Variants in EXOC2 observed in about 807,000 individuals in gnomAD.
The protein encoded by EXOC2 is SEC5-like 1.
Under a neutral mutation model 131.8 loss-of-function variants are expected in EXOC2, and 70 were observed. The observed-to-expected ratio is 0.53, with a 90% CI of 0.44 to 0.65. The LOEUF is 0.65. Ranked by LOEUF, EXOC2 falls within the 30% of genes least tolerant of loss-of-function variation. The pLI is 0.00. For missense variants in EXOC2, 923 were observed against 1,108.6 expected, an observed-to-expected ratio of 0.83 and a Z score of 2.38; for synonymous variants, 411 against 398.4, an observed-to-expected ratio of 1.03 and a Z score of -0.38.
At chr6:553,433 G>A (rs1224609041) in intron 21 of EXOC2, among the ~76,000 whole-genome samples, 1 of 151,614 alleles carries the variant, frequency 6.6e-6, no homozygotes, top group Non-Finnish European at 1.5e-5. Context: ...TTGAGGCTGT[G>A]CTCAAATAAA....
chr6:518,401 G>A (rs1765278308), intron 23 of EXOC2, among the ~76,000 whole-genome samples: 1 of 152,200 alleles, frequency 6.6e-6, no homozygotes, highest in African/African-American at 2.4e-5. Flanking sequence ...GTTTTTAAAT[G>A]ACTTGGACTG....
intron 7 of EXOC2, among the ~76,000 whole-genome samples, chr6:603,322 A>C (rs565144748): frequency 6.6e-6 from 1 of 152,358 alleles, no homozygotes; most frequent in African/African-American, 2.4e-5. Context: ...CCTCAATTTC[A>C]ACAGGCTAGA....
In EXOC2 at chr6:619,444, A is replaced by G. The variant is rs1761172747; in HGVS notation, c.522T>C (p.Asn174=). ...TATCCACTAACCTGGTGTTTGAGTG[A>G]TTCTCTATAAGATACCAGGCTGCTG... ...NFSAAWYLIE[N]HSNTSFEQLK... Residue 174 remains asparagine (N), a synonymous_variant, in exon 5 of 28, where the codon AAT becomes AAC. Transcript: ENST00000230449. The G allele has an allele frequency of 7.4e-6, 12 of 1,613,578 alleles. No homozygotes were observed. In the South Asian group the frequency reaches 1.2e-4, roughly 16 times the overall value.
intron 7 of EXOC2, among the ~76,000 whole-genome samples, chr6:600,165 C>G (rs1245697631): frequency 6.6e-6 from 1 of 152,122 alleles, no homozygotes; most frequent in African/African-American, 2.4e-5. Flanking sequence ...GTGGCCTGAT[C>G]CTGTTAAAAG....
intron 1 of EXOC2, among the ~76,000 whole-genome samples, chr6:660,554 A>G (rs1454408574): frequency 6.6e-6 from 1 of 152,248 alleles, no homozygotes; most frequent in African/African-American, 2.4e-5. Context: ...GAGAGACAAC[A>G]ATCTTGCAGT....
chr6:594,377 T>A (rs1485170988), intron 10 of EXOC2, among the ~76,000 whole-genome samples: 1 of 152,222 alleles, frequency 6.6e-6, no homozygotes, highest in Non-Finnish European at 1.5e-5. Context: ...GATGATGCAT[T>A]TCAGCGTTCT....
chr6:644,244 C>T (rs1031617538), intron 1 of EXOC2, among the ~76,000 whole-genome samples: 2 of 151,912 alleles, frequency 1.3e-5, no homozygotes, highest in African/African-American at 2.4e-5. Context: ...AAGGAAAAAC[C>T]GTATGTTACC....
intron 22 of EXOC2, among the ~76,000 whole-genome samples, chr6:541,668 C>T (rs6904638): frequency 0.21 from 31,562 of 151,944 alleles, 3,344 homozygotes; most frequent in Middle Eastern, 0.26. Context: ...CAATTTTACG[C>T]CAACAGATTT....
At chr6:627,623 C>A (rs563454643) in intron 4 of EXOC2, among the ~76,000 whole-genome samples, 1 of 152,194 alleles carries the variant, frequency 6.6e-6, no homozygotes, top group Non-Finnish European at 1.5e-5. Flanking sequence ...CTGGCTCCTC[C>A]GAGACGGAGT....
intron 11 of EXOC2, among the ~76,000 whole-genome samples, chr6:588,922 A>G (rs1759368647): frequency 6.6e-6 from 1 of 152,218 alleles, no homozygotes; most frequent in African/African-American, 2.4e-5. Context: ...AGAAAGATTC[A>G]GACCTTTGGT....
intron 17 of EXOC2, among the ~76,000 whole-genome samples, chr6:561,126 C>T (rs1757678851): frequency 6.6e-6 from 1 of 152,188 alleles, no homozygotes; most frequent in Non-Finnish European, 1.5e-5. Context: ...AAAAGCATTG[C>T]TTTTCTAAAT....
chr6:677,378 G>GT (rs1764194959), intron 1 of EXOC2, among the ~76,000 whole-genome samples: 1 of 152,178 alleles, frequency 6.6e-6, no homozygotes, highest in Admixed American at 6.5e-5. Flanking sequence ...GGTATATGTA[G>GT]GAATAAACAT....
chr6:653,519 T>C (rs1026239866), intron 1 of EXOC2, among the ~76,000 whole-genome samples: 2 of 152,156 alleles, frequency 1.3e-5, no homozygotes, highest in African/African-American at 4.8e-5. Flanking sequence ...CCTAACCCAG[T>C]GTAAAGCCCT....
intron 1 of EXOC2, among the ~76,000 whole-genome samples, chr6:662,742 G>C (rs975871180): frequency 6.6e-6 from 1 of 152,016 alleles, no homozygotes; most frequent in African/African-American, 2.4e-5. Context: ...CACACCTCAA[G>C]GAACTAGAGA....
intron 11 of EXOC2, among the ~76,000 whole-genome samples, chr6:591,745 C>T (rs1026993295): frequency 6.6e-6 from 1 of 152,182 alleles, no homozygotes; most frequent in African/African-American, 2.4e-5. Context: ...ACAGTGTCTG[C>T]AGCATAGCAG....
intron 1 of EXOC2, among the ~76,000 whole-genome samples, chr6:666,947 A>G (rs557554502): frequency 1.0e-5 from 1 of 95,326 alleles, no homozygotes; most frequent in African/African-American, 3.1e-5. Context: ...TCACTCTCAA[A>G]TAACACTTTC....
chr6:678,818 A>T (rs1764271545), intron 1 of EXOC2, among the ~76,000 whole-genome samples: 1 of 152,216 alleles, frequency 6.6e-6, no homozygotes, highest in African/African-American at 2.4e-5. Context: ...ATTAAGCTGA[A>T]TTTTATTCTA....
At chr6:572,362 A>T (rs1758332665) in intron 13 of EXOC2, among the ~76,000 whole-genome samples, 158 bp downstream of exon 13, 1 of 152,230 alleles carries the variant, frequency 6.6e-6, no homozygotes, top group African/African-American at 2.4e-5. Flanking sequence ...ACAGCTACTA[A>T]GTGAGAGGGC....
intron 7 of EXOC2, among the ~76,000 whole-genome samples, chr6:609,301 C>T (rs1760592598): frequency 6.6e-6 from 1 of 152,148 alleles, no homozygotes; most frequent in African/African-American, 2.4e-5. Context: ...TTTCATTCTT[C>T]CAATGATTCT....
Sources: allele counts gnomAD v4.1 joint callset (sites outside exome capture counted in the v4.1 genomes callset), GRCh38; gene constraint gnomAD v4.1.1; transcripts MANE v1.5; gene names NCBI Gene and HGNC (gene_info 2026-07-23, HGNC 2026-07-21).